The following FYCO1 variants were observed in gnomAD, a reference collection of about 807,000 sequenced individuals.
FYCO1 encodes FYVE and coiled-coil domain autophagy adaptor 1, also known as FYVE and coiled-coil domain-containing protein 1.
FYCO1 carries 122 observed loss-of-function variants against 165.1 expected under a neutral mutation model. That is an observed-to-expected ratio of 0.74 (90% CI 0.64 to 0.86). The LOEUF is 0.86. Among genes scored for constraint, FYCO1 ranks in the 40% least tolerant of loss-of-function variants. The pLI is 0.00. For synonymous variants in FYCO1, 648 were observed against 742.5 expected, an observed-to-expected ratio of 0.87 and a Z score of 2.07; for missense variants, 1,702 against 1,810.3, an observed-to-expected ratio of 0.94 and a Z score of 1.09.
intron 5 of FYCO1, among the ~76,000 whole-genome samples, chr3:45,973,926 T>C (rs1309458553): frequency 1.3e-5 from 2 of 151,862 alleles, no homozygotes; most frequent in Admixed American, 1.3e-4. Flanking sequence ...CTGAGCATGG[T>C]GGCATGTACC....
At chr3:45,942,878 C>T (rs975092837) in intron 14 of FYCO1, among the ~76,000 whole-genome samples, 2 of 152,168 alleles carry the variant, frequency 1.3e-5, no homozygotes, top group Non-Finnish European at 2.9e-5. Flanking sequence ...CTGCACCAGG[C>T]CCTCTGGCAG....
Position 45,969,733 on chromosome 3 carries a change from A to T in FYCO1, c.572T>A (p.Leu191Gln). 1 of 1,614,028 alleles carries T rather than the reference A, an allele frequency of 6.2e-7. No homozygotes were observed. Residue 191 changes from leucine to glutamine, a missense_variant, in exon 7 of 18, where the codon CTG becomes CAG. Leu to Gln is a moderately radical substitution (Grantham distance 113). Transcript: ENST00000296137. ...GGAGCTGCGGCTAGGGGGTTTCCAC[A>T]GGTAAGCAGAAGAGCCAGTGGTCAG... is the stretch of plus-strand genomic sequence containing the variant. ...RTLTTGSSAY[L>Q]WKPPSRSSSM...
At chr3:45,971,404 T>C (rs1441137600) in intron 6 of FYCO1, among the ~76,000 whole-genome samples, 1 of 152,184 alleles carries the variant, frequency 6.6e-6, no homozygotes, top group East Asian at 1.9e-4. Context: ...AGGATAATAA[T>C]GTAATTTCAG....
At chr3:45,978,831 G>A (rs1486082538) in intron 4 of FYCO1, among the ~76,000 whole-genome samples, 1 of 151,138 alleles carries the variant, frequency 6.6e-6, no homozygotes, top group Non-Finnish European at 1.5e-5. Context: ...TGTATGTGAA[G>A]TATGTGTGTG....
intron 1 of FYCO1, among the ~76,000 whole-genome samples, chr3:45,985,912 A>C (rs1028224542): frequency 6.6e-6 from 1 of 152,232 alleles, no homozygotes; most frequent in Non-Finnish European, 1.5e-5. Flanking sequence ...TATCCAGTGC[A>C]AGGTTGTAAT....
At chr3:45,926,309 A>T (rs1334884147) in intron 16 of FYCO1, among the ~76,000 whole-genome samples, 1 of 127,100 alleles carries the variant, frequency 7.9e-6, no homozygotes, top group Non-Finnish European at 1.9e-5. Context: ...AAAAGTAAAC[A>T]GATGTAAACA....
chr3:45,966,337 C>T lies in FYCO1; in HGVS notation c.2997G>A (p.Glu999=). 1 of 1,614,214 alleles carries T rather than the reference C, an allele frequency of 6.2e-7. No homozygotes were observed. The highest frequency in any genetic ancestry group is 8.5e-7 in the Non-Finnish European group (1 of 1,180,020). Residue 999 remains glutamate (E), a synonymous_variant, in exon 8 of 18, where the codon GAG becomes GAA. Coordinates refer to ENST00000296137, the MANE Select transcript of FYCO1 (RefSeq NM_024513.4). ...AQSLQEAAHQ[E]LNTLKFQLSA... The stretch of plus-strand genomic sequence containing the variant: ...TCAGCTGGAACTTGAGGGTGTTGAG[C>T]TCCTGGTGTGCAGCCTCTTGGAGGC...
At chr3:45,981,716 C>T (rs368497396) in intron 2 of FYCO1, 40 bp from the exon 3 acceptor site, 2 of 1,363,120 alleles carry the variant, frequency 1.5e-6, no homozygotes, top group Non-Finnish European at 1.1e-6. Context: ...CAGATAGTGA[C>T]TAAACTCAGA....
In FYCO1 at chr3:45,968,147, G is replaced by A. The variant is rs756308534; in HGVS notation, c.1187C>T (p.Ala396Val). The A allele has an allele frequency of 7.4e-6, 12 of 1,613,984 alleles. No individual in the cohort carries two copies. Among genetic ancestry groups the A allele is most frequent in the Admixed American group, 6.7e-5 (4 of 60,004 alleles). Residue 396 changes from alanine (A) to valine (V), a missense_variant, in exon 8 of 18, where the codon GCG (alanine) becomes GTG (valine). Physicochemically the swap from Ala to Val is moderately conservative, Grantham distance 64 (BLOSUM62 0). Transcript: ENST00000296137. ...KGRQEPIPSDAAQEMQELGEK... is the reference protein window; with the variant it reads ...KGRQEPIPSDVAQEMQELGEK... ...CCCTAGCTCCTGCATCTCCTGGGCC[G>A]CATCACTGGGAATAGGTTCTTGCCG...
intron 14 of FYCO1, chr3:45,947,095 T>C: frequency 6.2e-7 from 1 of 1,614,260 alleles, no homozygotes; most frequent in South Asian, 1.1e-5. Context: ...TTGCCACTGC[T>C]CACCATGATT....
chr3:45,954,327 G>A lies in FYCO1; in HGVS notation c.3944+922C>T, dbSNP rs376922264. On this transcript the variant is annotated intron_variant, in intron 14 of 17. Transcript: ENST00000296137. ...CCAGTGTGGTCCAGGGAAGCCAAAA[G>A]ACTGGACACCCCTGCTCTGATGCGT... Among the ~76,000 whole-genome samples the A allele has an allele frequency of 2.6e-5, 4 of 152,150 alleles. No individual in the cohort carries two copies. In the South Asian group the frequency reaches 8.3e-4, roughly 32 times the overall value.
chr3:45,947,286 A>C, intron 14 of FYCO1: 1 of 1,613,948 alleles, frequency 6.2e-7, no homozygotes, highest in Non-Finnish European at 8.5e-7. Flanking sequence ...CTTTCACTAC[A>C]CCATCATGGT....
chr3:45,923,593 G>C, intron 17 of FYCO1, 63 bp downstream of exon 17: 1 of 997,694 alleles, frequency 1.0e-6, no homozygotes, highest in Non-Finnish European at 1.6e-6. Flanking sequence ...GTCCACCTCT[G>C]CTCTTTAGAA....
At chr3:45,958,711 G>T in intron 12 of FYCO1, 92 bp from the exon 13 acceptor site, 1 of 1,242,366 alleles carries the variant, frequency 8.0e-7, no homozygotes, top group Non-Finnish European at 1.2e-6. Flanking sequence ...GATGCCATGT[G>T]ACTCTCATCA....
intron 14 of FYCO1, chr3:45,941,441 C>T (rs560389380): frequency 9.9e-5 from 15 of 152,260 alleles, no homozygotes; most frequent in African/African-American, 2.9e-4. Flanking sequence ...TGATTGGGTT[C>T]CCACCCTTAG....
At position 45,919,630 on chromosome 3, in the gene FYCO1, T is replaced by A. The variant is rs1703026267; in HGVS notation, c.*2135A>T. On this transcript the variant is annotated 3_prime_UTR_variant, in exon 18 of 18. Coordinates refer to ENST00000296137, the MANE Select transcript of FYCO1 (RefSeq NM_024513.4). The stretch of plus-strand genomic sequence containing the variant: ...CATTAGCTACTCAGTGAATGGTGGT[T>A]CTTGTTGCATATGGTGCCAGTGACA... 2 of 152,188 alleles carry A rather than the reference T, an allele frequency of 1.3e-5. No homozygotes were observed. Among genetic ancestry groups the A allele is most frequent in the Non-Finnish European group, 2.9e-5 (2 of 68,052 alleles). The allele number at this position is 152,188 out of a possible 1,614,324, so 9.4% of individuals were successfully genotyped here.
intron 1 of FYCO1, among the ~76,000 whole-genome samples, chr3:45,990,767 T>C (rs1366383206): frequency 6.6e-6 from 1 of 152,228 alleles, no homozygotes; most frequent in African/African-American, 2.4e-5. Context: ...CTTTCAATGG[T>C]GGCAACAAGA....
At position 45,955,334 on chromosome 3, in the gene FYCO1, C is replaced by T; in HGVS notation, c.3859G>A (p.Glu1287Lys). Residue 1287 changes from glutamate (E) to lysine (K), a missense_variant, in exon 14 of 18, where the codon GAA (glutamate) becomes AAA (lysine). Glu to Lys is a moderately conservative substitution (Grantham distance 56, BLOSUM62 1). Transcript: ENST00000296137. ...DAVFDIITDE[E>K]LCQIQESGSS... is the part of the protein sequence containing the mutation. ...CCGGACTCCTGTATCTGGCACAATT[C>T]CTCATCTGTGATGATATCAAACACA... 6.2e-7 allele frequency: 1 copy of T among 1,614,180 alleles called. No homozygotes were observed.
rs374387398 is a variant in FYCO1, at chr3:45,976,086, AG to A, written c.289-742del. Among the ~76,000 whole-genome samples, 196 of 152,370 alleles carry A rather than the reference AG, an allele frequency of 1.3e-3. 1 individual carries two copies. The highest frequency in any genetic ancestry group is 6.8e-3 in the Middle Eastern group (2 of 294). On this transcript the variant is annotated intron_variant, in intron 4 of 17. Transcript: ENST00000296137. Reference sequence around the variant, plus strand: ...GGTGAGACCAGGGGTGTCTCTAGGCAGCCCAGTCACACTGGGCTAAGGATAA... The same window carrying A: ...GGTGAGACCAGGGGTGTCTCTAGGCACCCAGTCACACTGGGCTAAGGATAA...
Sources: allele counts gnomAD v4.1 joint callset (sites outside exome capture counted in the v4.1 genomes callset), GRCh38; gene constraint gnomAD v4.1.1; transcripts MANE v1.5; gene names NCBI Gene and HGNC (gene_info 2026-07-23, HGNC 2026-07-21).